OSBPL10: variants seen among roughly 807,000 people sequenced by gnomAD.
OSBPL10 encodes the protein oxysterol binding protein like 10, also known as oxysterol-binding protein-related protein 10.
In OSBPL10, 49 loss-of-function variants were observed where a neutral mutation model predicts 81.7. The observed-to-expected ratio is 0.60, with a 90% CI of 0.48 to 0.76. The LOEUF (loss-of-function observed/expected upper bound fraction) is 0.76, where lower values mean the gene tolerates loss of function less well. OSBPL10 is among the 30% of genes least tolerant of loss of function. The pLI is 0.00. For synonymous variants in OSBPL10, 419 were observed against 383.6 expected (o/e 1.09, Z -1.08); for missense variants, 923 against 987.8 (o/e 0.93, Z 0.88).
chr3:31,934,193 G>T (rs959523902), intron 1 of OSBPL10, among the ~76,000 whole-genome samples: 1 of 147,010 alleles, frequency 6.8e-6, no homozygotes, highest in East Asian at 2.0e-4. Context: ...AAGGAAGCCA[G>T]GCATGGTGAT....
At chr3:31,950,177 C>A (rs1402453312) in intron 1 of OSBPL10, among the ~76,000 whole-genome samples, 1 of 151,878 alleles carries the variant, frequency 6.6e-6, no homozygotes, top group Non-Finnish European at 1.5e-5. Context: ...AAGTAAAAAG[C>A]CAAGCTATGA....
At position 31,965,140 on chromosome 3, in the gene OSBPL10, T is replaced by C. The variant is rs544756584; in HGVS notation, c.281+15759A>G. ...CGGGGCGCACTTTGGGAGGCCAAGG[T>C]GGGCGGATCACGAGGTCAGGAGATT... On this transcript the variant is annotated intron_variant, in intron 1 of 11. Transcript: ENST00000396556. Among the ~76,000 whole-genome samples, 9 of 151,796 alleles carry C rather than the reference T, an allele frequency of 5.9e-5. No individual in the cohort carries two copies. In the East Asian group the frequency reaches 7.7e-4, roughly 13 times the overall value.
At chr3:31,715,941 C>G (rs955675502) in intron 6 of OSBPL10, among the ~76,000 whole-genome samples, 2 of 152,214 alleles carry the variant, frequency 1.3e-5, no homozygotes, top group African/African-American at 4.8e-5. Context: ...AATTGCTAGA[C>G]TGCCTTGCTT....
intron 1 of OSBPL10, among the ~76,000 whole-genome samples, chr3:31,958,436 CT>C (rs1000650768): frequency 2.0e-5 from 3 of 152,002 alleles, no homozygotes; most frequent in Admixed American, 6.6e-5. Flanking sequence ...GTGTGTTATG[CT>C]TTTTAATAAT....
chr3:31,958,401 T>C (rs1216214203), intron 1 of OSBPL10, among the ~76,000 whole-genome samples: 1 of 152,200 alleles, frequency 6.6e-6, no homozygotes, highest in Non-Finnish European at 1.5e-5. Context: ...CTAGATCCAA[T>C]GTAGTAACAA....
chr3:31,812,720 A>T (rs926746819), intron 4 of OSBPL10, among the ~76,000 whole-genome samples: 1 of 12,160 alleles, frequency 8.2e-5, no homozygotes. Flanking sequence ...GGCAAAAAAA[A>T]AGAAAGAAAG....
intron 4 of OSBPL10, among the ~76,000 whole-genome samples, chr3:31,764,868 A>G (rs912910820): frequency 6.6e-6 from 1 of 152,150 alleles, no homozygotes; most frequent in Non-Finnish European, 1.5e-5. Context: ...AGTGAAGTCC[A>G]TGACATGTTT....
intron 2 of OSBPL10, among the ~76,000 whole-genome samples, chr3:31,987,747 C>A (rs1036820498): frequency 6.6e-6 from 1 of 152,312 alleles, no homozygotes; most frequent in East Asian, 1.9e-4. Flanking sequence ...TATAATGTCA[C>A]TTTGCCACAT....
At chr3:32,051,134 T>C (rs1454918084) in intron 1 of OSBPL10, among the ~76,000 whole-genome samples, 4 of 152,236 alleles carry the variant, frequency 2.6e-5, no homozygotes, top group Non-Finnish European at 5.9e-5. Flanking sequence ...GTCTCTATTT[T>C]GCCTTCTTGC....
intron 8 of OSBPL10, among the ~76,000 whole-genome samples, chr3:31,677,803 C>CATGTGCTGTGCT (rs1559411009): frequency 6.7e-6 from 1 of 150,234 alleles, no homozygotes; most frequent in African/African-American, 2.5e-5. Context: ...GAGCAAAGGC[C>CATGTGCTGTGCT]GGGCGCGGTG....
chr3:32,004,425 G>A (rs1699183074), intron 2 of OSBPL10, among the ~76,000 whole-genome samples: 1 of 152,226 alleles, frequency 6.6e-6, no homozygotes, highest in Non-Finnish European at 1.5e-5. Context: ...TGACTCCCTT[G>A]CCCAGATGGG....
At chr3:31,898,048 A>G (rs562341578) in intron 1 of OSBPL10, among the ~76,000 whole-genome samples, 2 of 150,626 alleles carry the variant, frequency 1.3e-5, no homozygotes, top group African/African-American at 4.9e-5. Flanking sequence ...CAGAAGAAGA[A>G]GAGAAAGGAA....
At chr3:31,926,833 G>A (rs1034899605) in intron 1 of OSBPL10, among the ~76,000 whole-genome samples, 3 of 152,184 alleles carry the variant, frequency 2.0e-5, no homozygotes, top group Admixed American at 6.5e-5. Flanking sequence ...AAGTAGGCCG[G>A]GCATGGTGGC....
At chr3:31,821,014 A>C (rs1203443275) in intron 4 of OSBPL10, among the ~76,000 whole-genome samples, 1 of 152,156 alleles carries the variant, frequency 6.6e-6, no homozygotes. Flanking sequence ...ATAAACACAT[A>C]AACAAATACC....
At chr3:32,031,543 C>T (rs535920140) in intron 2 of OSBPL10, among the ~76,000 whole-genome samples, 211 of 152,068 alleles carry the variant, frequency 1.4e-3, no homozygotes, top group Non-Finnish European at 2.5e-3. Flanking sequence ...CTCACTGCAA[C>T]CTCTGCCCCC....
In OSBPL10 at chr3:31,668,818, G is replaced by A. The variant is rs181796394; in HGVS notation, c.1920C>T (p.Thr640=). 155 of 1,605,372 alleles carry A rather than the reference G, an allele frequency of 9.7e-5. No individual in the cohort carries two copies. The highest frequency in any genetic ancestry group is 7.1e-4 in the East Asian group (32 of 44,772). ...PFYGGKVHRV[T]AEVKHNPTNT... is the part of the protein sequence containing the mutation. ...TGGTTGGGTTGTGCTTCACTTCTGC[G>A]GTAACCCTGAATTAATGAGTCAAAT... Residue 640 remains threonine (T), a synonymous_variant, in exon 10 of 12, where the codon ACC becomes ACT. Coordinates refer to ENST00000396556, the MANE Select transcript of OSBPL10 (RefSeq NM_017784.5).
intron 10 of OSBPL10, chr3:31,664,602 C>G: frequency 3.2e-6 from 1 of 313,384 alleles, no homozygotes; most frequent in Non-Finnish European, 6.0e-6. Flanking sequence ...TTAATCCTCA[C>G]AGCAACCCAA....
intron 1 of OSBPL10, among the ~76,000 whole-genome samples, chr3:32,050,752 C>G (rs1042489564): frequency 6.6e-6 from 1 of 151,826 alleles, no homozygotes; most frequent in African/African-American, 2.4e-5. Context: ...ACCTCCGCCT[C>G]CCTAATTCAA....
intron 4 of OSBPL10, among the ~76,000 whole-genome samples, chr3:31,773,001 T>C (rs1698425867): frequency 1.7e-5 from 2 of 114,470 alleles, no homozygotes; most frequent in African/African-American, 4.8e-5. Context: ...GTGACCAAAC[T>C]TTTTTTTTTT....
Sources: allele counts gnomAD v4.1 joint callset (sites outside exome capture counted in the v4.1 genomes callset), GRCh38; gene constraint gnomAD v4.1.1; transcripts MANE v1.5; gene names NCBI Gene and HGNC (gene_info 2026-07-23, HGNC 2026-07-21).